Variants in CELF4 observed in about 807,000 individuals in gnomAD.
CELF4 encodes the protein CUG-BP- and ETR-3-like factor 4.
Under a neutral mutation model 59.9 loss-of-function variants are expected in CELF4, and 18 were observed. The ratio of observed to expected loss-of-function variants is 0.30; its 90% CI spans 0.21 to 0.45. CELF4 has a LOEUF of 0.45. Among genes scored for constraint, CELF4 ranks in the 20% least tolerant of loss-of-function variants. CELF4 has a pLI of 1.00. For synonymous variants in CELF4, 261 were observed against 267.1 expected, an observed-to-expected ratio of 0.98 and a Z score of 0.22; for missense variants, 456 against 689.0, an observed-to-expected ratio of 0.66 and a Z score of 3.79.
chr18:37,494,006 C>T (rs1342922241), intron 1 of CELF4, among the ~76,000 whole-genome samples: 1 of 152,172 alleles, frequency 6.6e-6, no homozygotes, highest in Non-Finnish European at 1.5e-5. Flanking sequence ...AGATTTTCCT[C>T]AAGCTAGATT....
At chr18:37,356,782 C>CAAGTTACCTAGCGAGCTTCAGTAACT (rs2098594134) in intron 2 of CELF4, among the ~76,000 whole-genome samples, 2 of 152,334 alleles carry the variant, frequency 1.3e-5, no homozygotes, top group Admixed American at 6.5e-5. Flanking sequence ...CTCAGCTAGG[C>CAAGTTACCTAGCGAGCTTCAGTAACT]TGCCTTCTGA....
intron 6 of CELF4, 148 bp from the exon 7 acceptor site, chr18:37,273,311 A>G: frequency 4.2e-6 from 6 of 1,433,814 alleles, no homozygotes; most frequent in Non-Finnish European, 4.6e-6. Flanking sequence ...TGCCTCTCCC[A>G]TTCTTGCCCT....
intron 1 of CELF4, among the ~76,000 whole-genome samples, chr18:37,503,714 A>G (rs1233507966): frequency 6.6e-6 from 1 of 152,166 alleles, no homozygotes; most frequent in Non-Finnish European, 1.5e-5. Context: ...TTTCCCTTCC[A>G]TCAAATGGGC....
At chr18:37,301,598 GT>G in intron 3 of CELF4, among the ~76,000 whole-genome samples, 1 of 152,196 alleles carries the variant, frequency 6.6e-6, no homozygotes, top group Admixed American at 6.5e-5. Flanking sequence ...CAGGTTGGGG[GT>G]TCTCCTCCTC....
At chr18:37,270,675 C>T (rs2090727502) in intron 8 of CELF4, 93 bp downstream of exon 8, 3 of 1,454,560 alleles carry the variant, frequency 2.1e-6, no homozygotes, top group South Asian at 2.3e-5. Context: ...GGACAGAGGG[C>T]AGGAGCCACA....
chr18:37,564,940 C>A (rs1303767051), intron 1 of CELF4, among the ~76,000 whole-genome samples: 1 of 152,158 alleles, frequency 6.6e-6, no homozygotes, highest in East Asian at 1.9e-4. Flanking sequence ...GTATTTTCAG[C>A]ACCACGGCGA....
chr18:37,518,168 A>T (rs1278898782), intron 1 of CELF4, among the ~76,000 whole-genome samples: 1 of 151,978 alleles, frequency 6.6e-6, no homozygotes, highest in East Asian at 1.9e-4. Context: ...CCCAGGGGAC[A>T]CCCCTTGGGT....
intron 2 of CELF4, among the ~76,000 whole-genome samples, chr18:37,352,704 T>G (rs935960027): frequency 6.6e-6 from 1 of 152,054 alleles, no homozygotes; most frequent in African/African-American, 2.4e-5. Flanking sequence ...GCCACCAGAT[T>G]AGGTCAGAAT....
chr18:37,519,871 C>A (rs1214580969), intron 1 of CELF4, among the ~76,000 whole-genome samples: 1 of 152,182 alleles, frequency 6.6e-6, no homozygotes, highest in African/African-American at 2.4e-5. Context: ...GGCAGTGAGG[C>A]AGGGGGCCTG....
chr18:37,281,245 T>C (rs2094106487), intron 3 of CELF4, among the ~76,000 whole-genome samples: 1 of 151,982 alleles, frequency 6.6e-6, no homozygotes, highest in Admixed American at 6.5e-5. Flanking sequence ...CTCTGAGTGG[T>C]GAGGAGGGAG....
rs1175962041 is a variant in CELF4, at chr18:37,244,737, A to C, written c.*505T>G. ...TAAAAAGTTTGGTCCTTTGGTCCCT[A>C]AATAGCTAAAGGAATGACAGATAGA... On this transcript the variant is annotated 3_prime_UTR_variant, in exon 13 of 13. Coordinates refer to ENST00000420428, the MANE Select transcript of CELF4 (RefSeq NM_020180.4). 1 of 152,538 alleles carries C rather than the reference A, an allele frequency of 6.6e-6. No individual in the cohort carries two copies. Among genetic ancestry groups the C allele is most frequent in the Non-Finnish European group, 1.5e-5 (1 of 68,014 alleles). 9.4% of individuals were successfully genotyped at this position (152,538 alleles called of 1,614,324 possible).
At chr18:37,311,366 C>A (rs2096639963) in intron 3 of CELF4, among the ~76,000 whole-genome samples, 2 of 152,214 alleles carry the variant, frequency 1.3e-5, no homozygotes, top group African/African-American at 4.8e-5. Flanking sequence ...CTTCCCCAAC[C>A]ACGAAGACCA....
In CELF4 at chr18:37,474,457, G is replaced by A. The variant is rs888841615; in HGVS notation, c.369+11068C>T. ...ACCTGGTGTGTGGCCTTGGGGTGAC[G>A]GGGACGGTTCCTGCCCTCATGCAGC... On this transcript the variant is annotated intron_variant, in intron 2 of 12. Transcript: ENST00000420428. Among the ~76,000 whole-genome samples the A allele has an allele frequency of 2.0e-5, 3 of 152,216 alleles. No homozygotes were observed. The South Asian group carries it at 6.2e-4, about 31-fold the overall frequency.
Position 37,561,639 on chromosome 18 carries a change from T to C in CELF4, c.286+3717A>G, listed in dbSNP as rs9959049. The stretch of plus-strand genomic sequence containing the variant: ...TAACAAGCATGGGTATGTGTACATA[T>C]ATGTGTCTTCAGACACTGCCTCTTT... On this transcript the variant is annotated intron_variant, in intron 1 of 12. Coordinates refer to ENST00000420428, the MANE Select transcript of CELF4 (RefSeq NM_020180.4). 4.4e-3 allele frequency among the ~76,000 whole-genome samples: 666 copies of C among 152,314 alleles called. 5 individuals are homozygous for C. Among genetic ancestry groups the C allele is most frequent in the African/African-American group, 0.015 (641 of 41,560 alleles).
rs1662920 is a variant in CELF4 at position 37,338,238 on chromosome 18, A to G, written c.370-16357T>C. 1.8e-3 allele frequency among the ~76,000 whole-genome samples: 32 copies of G among 17,424 alleles called. 13 individuals carry two copies. The highest frequency in any genetic ancestry group is 1.0e-3 in the African/African-American group (2 of 1,918). The allele number at this position is 17,424 out of a possible 152,430, so 11.4% of individuals were successfully genotyped here. On this transcript the variant is annotated intron_variant, in intron 2 of 12. Transcript: ENST00000420428. ...TGTCACTGCCACCACCACCACTGTC[A>G]CTGCCACCATCTGTTACCTTAACCT...
chr18:37,268,819 C>T (rs892295884), intron 8 of CELF4, among the ~76,000 whole-genome samples: 16 of 152,166 alleles, frequency 1.1e-4, no homozygotes, highest in Admixed American at 2.0e-4. Flanking sequence ...CTCATTACAG[C>T]GGGTCCAAAC....
intron 2 of CELF4, among the ~76,000 whole-genome samples, chr18:37,398,721 C>A (rs893247550): frequency 6.6e-6 from 1 of 152,154 alleles, no homozygotes; most frequent in South Asian, 2.1e-4. Context: ...CTCTCCAAGG[C>A]GTGGGGGTTC....
intron 2 of CELF4, among the ~76,000 whole-genome samples, chr18:37,394,304 G>C (rs533745858): frequency 6.6e-6 from 1 of 152,340 alleles, no homozygotes; most frequent in East Asian, 1.9e-4. Flanking sequence ...AGGAAGCTGG[G>C]GGACGGAATT....
intron 1 of CELF4, among the ~76,000 whole-genome samples, chr18:37,557,344 C>T (rs2099985125): frequency 6.6e-6 from 1 of 152,216 alleles, no homozygotes; most frequent in African/African-American, 2.4e-5. Flanking sequence ...ATTTTAGGAA[C>T]AGCTGCTGAA....
Sources: allele counts gnomAD v4.1 joint callset (sites outside exome capture counted in the v4.1 genomes callset), GRCh38; gene constraint gnomAD v4.1.1; transcripts MANE v1.5; gene names NCBI Gene and HGNC (gene_info 2026-07-23, HGNC 2026-07-21).